SNX29: variants seen among roughly 807,000 people sequenced by gnomAD.
SNX29 encodes sorting nexin 29.
Under a neutral mutation model 102.1 loss-of-function variants are expected in SNX29, and 78 were observed. The observed-to-expected ratio is 0.76, with a 90% CI of 0.64 to 0.92. SNX29 has a LOEUF of 0.92. Among genes scored for constraint, SNX29 ranks in the 40% least tolerant of loss-of-function variants. The pLI, the probability that SNX29 is intolerant of heterozygous loss-of-function variation, is 0.00. For synonymous variants in SNX29, 580 were observed against 414.5 expected (o/e 1.40, Z -4.85); for missense variants, 1,280 against 1,061.7 (o/e 1.21, Z -2.86).
chr16:12,163,129 A>G (rs2055860718), intron 13 of SNX29, among the ~76,000 whole-genome samples: 1 of 152,114 alleles, frequency 6.6e-6, no homozygotes, highest in South Asian at 2.1e-4. Flanking sequence ...TGATACGCCC[A>G]CCTTGGCCTC....
At chr16:12,403,381 TTTTA>T (rs1327540239) in intron 17 of SNX29, 63 bp from the exon 18 acceptor site, 3 of 1,476,124 alleles carry the variant, frequency 2.0e-6, no homozygotes, top group Non-Finnish European at 2.8e-6. Flanking sequence ...CTTTCCTCTT[TTTTA>T]TTTTTTATTT....
At chr16:11,996,107 A>G (rs1393930990) in intron 1 of SNX29, among the ~76,000 whole-genome samples, 1 of 151,492 alleles carries the variant, frequency 6.6e-6, no homozygotes, top group African/African-American at 2.4e-5. Flanking sequence ...CTCCTGAACC[A>G]GAACCTCCCT....
At chr16:12,413,610 G>A (rs963354146) in intron 18 of SNX29, among the ~76,000 whole-genome samples, 4 of 152,182 alleles carry the variant, frequency 2.6e-5, no homozygotes, top group Non-Finnish European at 5.9e-5. Context: ...CGGAAGCAAC[G>A]AAGTGACGTG....
chr16:12,532,130 G>T (rs1345300678), intron 20 of SNX29, among the ~76,000 whole-genome samples: 2 of 152,296 alleles, frequency 1.3e-5, no homozygotes, highest in South Asian at 2.1e-4. Flanking sequence ...GGATTGCCTT[G>T]CACTGATGCC....
chr16:12,281,399 C>CA, intron 15 of SNX29, among the ~76,000 whole-genome samples: 1 of 152,288 alleles, frequency 6.6e-6, no homozygotes, highest in Non-Finnish European at 1.5e-5. Flanking sequence ...TCCTGGACAG[C>CA]ACAGAACCTA....
At chr16:12,489,695 C>A (rs978074046) in intron 19 of SNX29, among the ~76,000 whole-genome samples, 3 of 152,204 alleles carry the variant, frequency 2.0e-5, no homozygotes, top group African/African-American at 7.2e-5. Flanking sequence ...CATTTGATTT[C>A]TTTTCTTTTG....
At chr16:12,562,564 T>TG (rs1464756185) in intron 20 of SNX29, among the ~76,000 whole-genome samples, 1 of 152,152 alleles carries the variant, frequency 6.6e-6, no homozygotes, top group Non-Finnish European at 1.5e-5. Context: ...ACTGTCCCCG[T>TG]GGTCCCTAGT....
intron 3 of SNX29, among the ~76,000 whole-genome samples, chr16:12,011,014 G>A (rs1291435685): frequency 6.6e-6 from 1 of 151,932 alleles, no homozygotes; most frequent in Non-Finnish European, 1.5e-5. Context: ...ACTAGTTTGA[G>A]GTGTTGACTG....
chr16:12,218,101 A>G (rs1237061633), intron 14 of SNX29, among the ~76,000 whole-genome samples: 2 of 152,242 alleles, frequency 1.3e-5, no homozygotes, highest in African/African-American at 4.8e-5. Context: ...TGATAAAAAA[A>G]TTGTTTGGAT....
intron 15 of SNX29, among the ~76,000 whole-genome samples, chr16:12,348,790 T>C (rs2081905948): frequency 1.3e-5 from 2 of 152,224 alleles, no homozygotes; most frequent in Non-Finnish European, 2.9e-5. Flanking sequence ...TTGCACACCC[T>C]TTCTGTGCCT....
intron 18 of SNX29, among the ~76,000 whole-genome samples, chr16:12,458,506 G>C (rs2086632073): frequency 6.6e-6 from 1 of 152,120 alleles, no homozygotes; most frequent in Non-Finnish European, 1.5e-5. Flanking sequence ...TGAGGGTTTT[G>C]TATTTATTAT....
intron 2 of SNX29, among the ~76,000 whole-genome samples, chr16:12,001,861 A>G (rs2056299637): frequency 6.6e-6 from 1 of 152,026 alleles, no homozygotes; most frequent in Non-Finnish European, 1.5e-5. Flanking sequence ...TCTACAAAAA[A>G]TAAAAAATAT....
intron 19 of SNX29, among the ~76,000 whole-genome samples, chr16:12,481,513 G>GACACACACACACAC: frequency 8.0e-6 from 1 of 125,666 alleles, no homozygotes; most frequent in East Asian, 2.2e-4. Context: ...TATACATATA[G>GACACACACACACAC]ACACACACAC....
rs1227403321 is a variant in SNX29, at chr16:12,571,982, A to C, written c.*3353A>C. ...ACAGTCTATGGTGGTAGCCATCTTC[A>C]CATCCAGTCACCAGTTGCATCTAGG... On this transcript the variant is annotated 3_prime_UTR_variant, in exon 21 of 21. Transcript: ENST00000566228. 9.4e-7 allele frequency: 1 copy of C among 1,061,990 alleles called. No homozygotes were observed. Among genetic ancestry groups the C allele is most frequent in the South Asian group, 4.6e-5 (1 of 21,950 alleles). The allele number at this position is 1,061,990 out of a possible 1,614,324, so 65.8% of individuals were successfully genotyped here.
intron 19 of SNX29, among the ~76,000 whole-genome samples, chr16:12,481,445 C>G (rs28450382): frequency 1.7e-5 from 2 of 115,278 alleles, no homozygotes; most frequent in African/African-American, 7.4e-5. Context: ...TATATACACA[C>G]ACATATATAC....
At chr16:12,555,662 C>G (rs954842682) in intron 20 of SNX29, among the ~76,000 whole-genome samples, 18 of 152,210 alleles carry the variant, frequency 1.2e-4, no homozygotes, top group African/African-American at 3.9e-4. Context: ...CCCTGTCACT[C>G]CTGCACGAAG....
At chr16:12,413,747 C>T (rs1007302737) in intron 18 of SNX29, among the ~76,000 whole-genome samples, 1 of 152,220 alleles carries the variant, frequency 6.6e-6, no homozygotes, top group African/African-American at 2.4e-5. Context: ...GCCAGGCGCC[C>T]TGCCCCGCAC....
intron 4 of SNX29, among the ~76,000 whole-genome samples, chr16:12,039,458 A>G (rs1596663450): frequency 6.6e-6 from 1 of 152,196 alleles, no homozygotes; most frequent in Non-Finnish European, 1.5e-5. Flanking sequence ...CTGGTGACAC[A>G]TAGCCTAGTT....
At position 12,557,015 on chromosome 16, in the gene SNX29, A is replaced by ACACCCCCCCCCCCCCC. The variant is rs66825746; in HGVS notation, c.2319-11490_2319-11489insACCCCCCCCCCCCCCC. Among the ~76,000 whole-genome samples, 35 of 31,806 alleles carry ACACCCCCCCCCCCCCC rather than the reference A, an allele frequency of 1.1e-3. 9 individuals are homozygous for ACACCCCCCCCCCCCCC. Among genetic ancestry groups the ACACCCCCCCCCCCCCC allele is most frequent in the East Asian group, 1.9e-3 (3 of 1,556 alleles). 20.9% of individuals were successfully genotyped at this position (31,806 alleles called of 152,430 possible). A position where few individuals can be genotyped will look rare whatever the true frequency, so the allele number is the denominator to read the frequency against. On this transcript the variant is annotated intron_variant, in intron 20 of 20. Coordinates refer to ENST00000566228, the MANE Select transcript of SNX29 (RefSeq NM_032167.5). ...GGTACACACCACATCTGGCTAATTT[A>ACACCCCCCCCCCCCCC]CCCCCCCCCCGCCCCAAGATGAGGT...
Sources: allele counts gnomAD v4.1 joint callset (sites outside exome capture counted in the v4.1 genomes callset), GRCh38; gene constraint gnomAD v4.1.1; transcripts MANE v1.5; gene names NCBI Gene and HGNC (gene_info 2026-07-23, HGNC 2026-07-21).